The following PPP2R5E variants were observed in gnomAD, a reference collection of about 807,000 sequenced individuals.
PPP2R5E encodes serine/threonine-protein phosphatase 2A 56 kDa regulatory subunit epsilon isoform.
A neutral mutation model predicts 65.3 loss-of-function variants in PPP2R5E; 4 were observed. The ratio of observed to expected loss-of-function variants is 0.06; its 90% CI spans 0.03 to 0.14. The LOEUF is 0.14. Ranked by LOEUF, PPP2R5E falls within the 10% of genes least tolerant of loss-of-function variation. PPP2R5E has a pLI of 1.00. For missense variants in PPP2R5E, 274 were observed against 556.1 expected (o/e 0.49, Z 5.10); for synonymous variants, 183 against 187.4 (o/e 0.98, Z 0.19).
chr14:63,488,273 C>T (rs1412970259), intron 2 of PPP2R5E, among the ~76,000 whole-genome samples: 1 of 151,970 alleles, frequency 6.6e-6, no homozygotes, highest in Non-Finnish European at 1.5e-5. Flanking sequence ...TCATTGCTCA[C>T]TGCAGCCTCA....
rs571336130 is a variant in PPP2R5E at position 63,541,393 on chromosome 14, T to C, written c.-8+1386A>G. On this transcript the variant is annotated intron_variant, in intron 1 of 13. Coordinates refer to ENST00000337537, the MANE Select transcript of PPP2R5E (RefSeq NM_006246.5). Reference sequence around the variant, plus strand: ...TTGAAGTTCATCATCAAATACCAATTTTCATTCCATCAAACTTACGGAACT... The same window carrying C: ...TTGAAGTTCATCATCAAATACCAATCTTCATTCCATCAAACTTACGGAACT... Among the ~76,000 whole-genome samples the C allele has an allele frequency of 5.8e-4, 89 of 152,336 alleles. 1 individual carries two copies. The highest frequency in any genetic ancestry group is 1.7e-3 in the African/African-American group (72 of 41,580).
intron 10 of PPP2R5E, among the ~76,000 whole-genome samples, chr14:63,391,371 A>G (rs145232206): frequency 6.6e-5 from 10 of 151,754 alleles, no homozygotes; most frequent in African/African-American, 1.7e-4. Flanking sequence ...TAGAGTTACA[A>G]TGAGGTTTAA....
At chr14:63,506,221 C>G (rs1304247899) in intron 2 of PPP2R5E, among the ~76,000 whole-genome samples, 1 of 152,052 alleles carries the variant, frequency 6.6e-6, no homozygotes, top group African/African-American at 2.4e-5. Flanking sequence ...GAGGCCGCGG[C>G]GGGTGGATCA....
intron 3 of PPP2R5E, among the ~76,000 whole-genome samples, chr14:63,429,980 G>A (rs1006658693): frequency 6.6e-6 from 1 of 151,900 alleles, no homozygotes; most frequent in Non-Finnish European, 1.5e-5. Context: ...CCCTGCACCC[G>A]GCCGTATTAT....
rs550066221 is a variant in PPP2R5E, at chr14:63,412,218, A to G, written c.549+2922T>C. ...ACACCTGTAGTTTCAGCTACTTGGA[A>G]GACTGAGATGGATCACTTGAGCCCA... On this transcript the variant is annotated intron_variant, in intron 5 of 13. Transcript: ENST00000337537. Among the ~76,000 whole-genome samples, 3 of 152,340 alleles carry G rather than the reference A, an allele frequency of 2.0e-5. No homozygotes were observed. In the East Asian group the frequency reaches 5.8e-4, roughly 29 times the overall value.
chr14:63,522,226 G>C (rs1191139387), intron 2 of PPP2R5E, among the ~76,000 whole-genome samples: 2 of 152,140 alleles, frequency 1.3e-5, no homozygotes, highest in South Asian at 4.1e-4. Flanking sequence ...GATTGCAGAC[G>C]GAGTCTGGTT....
intron 5 of PPP2R5E, among the ~76,000 whole-genome samples, chr14:63,414,750 A>G (rs1229213034): frequency 1.1e-5 from 1 of 91,606 alleles, no homozygotes; most frequent in African/African-American, 4.3e-5. Flanking sequence ...TTGAAGTCTG[A>G]GCTTGCCTAC....
intron 2 of PPP2R5E, among the ~76,000 whole-genome samples, chr14:63,509,783 C>T (rs1892376284): frequency 6.6e-6 from 1 of 152,130 alleles, no homozygotes; most frequent in African/African-American, 2.4e-5. Flanking sequence ...ATCTGAGAGA[C>T]AAATTATACT....
rs929181536 is a variant in PPP2R5E, at chr14:63,371,933, G to C, written c.*4076C>G. 2 of 152,050 alleles carry C rather than the reference G, an allele frequency of 1.3e-5. No homozygotes were observed. Among genetic ancestry groups the C allele is most frequent in the Admixed American group, 6.6e-5 (1 of 15,258 alleles). The allele number at this position is 152,050 out of a possible 1,614,324, so 9.4% of individuals were successfully genotyped here. ...CTCATTATACTTCAATCAAAAATCAGACAACAACCAGAAAATGCATTGGTA... is the reference window on the plus strand; with the variant it reads ...CTCATTATACTTCAATCAAAAATCACACAACAACCAGAAAATGCATTGGTA... On this transcript the variant is annotated 3_prime_UTR_variant, in exon 14 of 14. Transcript: ENST00000337537.
intron 2 of PPP2R5E, among the ~76,000 whole-genome samples, chr14:63,458,164 T>A (rs1044816904): frequency 6.6e-6 from 1 of 152,190 alleles, no homozygotes; most frequent in Non-Finnish European, 1.5e-5. Context: ...AATCTCAGAT[T>A]AAGACAAAGA....
At chr14:63,533,620 C>T (rs533781129) in intron 2 of PPP2R5E, among the ~76,000 whole-genome samples, 24 of 150,656 alleles carry the variant, frequency 1.6e-4, no homozygotes, top group East Asian at 8.0e-4. Flanking sequence ...CAAAATGCCT[C>T]GGAAATGTAT....
At chr14:63,441,739 G>A (rs892760864) in intron 3 of PPP2R5E, among the ~76,000 whole-genome samples, 5 of 151,952 alleles carry the variant, frequency 3.3e-5, no homozygotes, top group African/African-American at 7.3e-5. Flanking sequence ...GTGAAACACC[G>A]TCTCTACTAA....
chr14:63,400,204 T>C (rs2139814683), intron 5 of PPP2R5E, among the ~76,000 whole-genome samples: 1 of 152,334 alleles, frequency 6.6e-6, no homozygotes, highest in Admixed American at 6.5e-5. Flanking sequence ...CTGTCAGGGA[T>C]ACAATGATAA....
chr14:63,442,093 C>T (rs771697866), intron 3 of PPP2R5E, among the ~76,000 whole-genome samples: 4 of 152,070 alleles, frequency 2.6e-5, no homozygotes, highest in Admixed American at 1.3e-4. Flanking sequence ...AGTTTCCCTA[C>T]CCTTTGAAAA....
intron 2 of PPP2R5E, among the ~76,000 whole-genome samples, chr14:63,526,966 T>C (rs1594973697): frequency 6.6e-6 from 1 of 152,290 alleles, no homozygotes; most frequent in East Asian, 1.9e-4. Context: ...GGTTGGCAGC[T>C]CAAGACCAGC....
At chr14:63,477,850 A>G (rs1272218086) in intron 2 of PPP2R5E, among the ~76,000 whole-genome samples, 1 of 151,488 alleles carries the variant, frequency 6.6e-6, no homozygotes, top group East Asian at 1.9e-4. Flanking sequence ...TTTAAGAGAA[A>G]AAAATTTAAA....
chr14:63,410,888 G>A (rs558361764), intron 5 of PPP2R5E, among the ~76,000 whole-genome samples: 1 of 152,170 alleles, frequency 6.6e-6, no homozygotes, highest in Non-Finnish European at 1.5e-5. Flanking sequence ...GCCCTGGTGT[G>A]AAGGTCAAAT....
chr14:63,450,647 C>T (rs2139465894), intron 3 of PPP2R5E, among the ~76,000 whole-genome samples: 1 of 152,044 alleles, frequency 6.6e-6, no homozygotes, highest in Admixed American at 6.5e-5. Flanking sequence ...TTCATTCATT[C>T]AACAAATTTC....
intron 13 of PPP2R5E, among the ~76,000 whole-genome samples, chr14:63,381,114 A>G (rs1467628422): frequency 6.6e-6 from 1 of 152,182 alleles, no homozygotes; most frequent in African/African-American, 2.4e-5. Context: ...AGACTTCTAT[A>G]ATCTCCCCAA....
Sources: gnomAD v4.1 joint callset for allele counts (sites outside exome capture counted in the v4.1 genomes callset) on GRCh38, gnomAD v4.1.1 for gene constraint, MANE v1.5 for transcripts, NCBI Gene and HGNC (gene_info 2026-07-23, HGNC 2026-07-21) for gene names.